Variants in DYNC2I2 observed in about 807,000 individuals in gnomAD.
DYNC2I2 encodes dynein 2 intermediate chain 2.
Under a neutral mutation model 52.0 loss-of-function variants are expected in DYNC2I2, and 39 were observed. That is an observed-to-expected ratio of 0.75 (90% confidence interval 0.58 to 0.98). The LOEUF is 0.98. Among genes scored for constraint, DYNC2I2 ranks in the 50% least tolerant of loss-of-function variants. The pLI is 0.00. For synonymous variants in DYNC2I2, 359 were observed against 321.1 expected (o/e 1.12, Z -1.26); for missense variants, 743 against 728.4 (o/e 1.02, Z -0.23).
Position 128,635,298 on chromosome 9 carries a change from G to C in DYNC2I2, c.814-39C>G, listed in dbSNP as rs748822151. 2.5e-6 allele frequency: 4 copies of C among 1,602,262 alleles called. No individual in the cohort carries two copies. In the East Asian group the frequency reaches 9.0e-5, roughly 36 times the overall value. ...ATGCAGGGCCAGGATGGAGACAAGG[G>C]ACACCTGCCCAGGTGTCACGCTCCA... On this transcript the variant is annotated intron_variant, in intron 5 of 8. Transcript: ENST00000372715.
the DYNC2I2 span, among the ~76,000 whole-genome samples, chr9:128,675,058 C>T: frequency 6.6e-6 from 1 of 152,148 alleles, no homozygotes; most frequent in Non-Finnish European, 1.5e-5. Flanking sequence ...GGTCTGTTTT[C>T]ATTACACTAA....
At chr9:128,649,384 C>T (rs562489485) in intron 1 of DYNC2I2, among the ~76,000 whole-genome samples, 1 of 151,982 alleles carries the variant, frequency 6.6e-6, no homozygotes, top group Non-Finnish European at 1.5e-5. Flanking sequence ...TTTGAGGCTG[C>T]GTGAGCTACG....
At chr9:128,636,842 G>A in intron 3 of DYNC2I2, 76 bp downstream of exon 3, 1 of 1,154,736 alleles carries the variant, frequency 8.7e-7, no homozygotes, top group African/African-American at 1.5e-5. Flanking sequence ...GCCCTTCCCT[G>A]TGCAGCTACA....
At chr9:128,671,416 C>T in the DYNC2I2 span, among the ~76,000 whole-genome samples, 51 of 151,120 alleles carry the variant, frequency 3.4e-4, no homozygotes, top group African/African-American at 1.2e-3. Flanking sequence ...ATTCTCCTGC[C>T]TCAGCCCCCC....
chr9:128,658,188 CAG>C (rs1003321558), upstream of DYNC2I2, among the ~76,000 whole-genome samples: 14 of 142,968 alleles, frequency 9.8e-5, no homozygotes, highest in African/African-American at 3.7e-4. Flanking sequence ...TTTTTTAAGA[CAG>C]AGTCTCACTC....
chr9:128,642,488 A>G (rs1352994594), intron 1 of DYNC2I2, among the ~76,000 whole-genome samples: 1 of 143,560 alleles, frequency 7.0e-6, no homozygotes, highest in Non-Finnish European at 1.5e-5. Flanking sequence ...TTACTTATTG[A>G]GGCCGGGCGC....
At chr9:128,646,002 TGA>T (rs1410760662) in intron 1 of DYNC2I2, among the ~76,000 whole-genome samples, 21 of 152,120 alleles carry the variant, frequency 1.4e-4, no homozygotes, top group Admixed American at 1.4e-3. Context: ...CCATGAAGGC[TGA>T]GAGAGGTGAG....
chr9:128,681,211 C>T, the DYNC2I2 span, among the ~76,000 whole-genome samples: 1 of 152,118 alleles, frequency 6.6e-6, no homozygotes. Context: ...CTGCCTCAGC[C>T]TCCCGAGTAG....
intron 6 of DYNC2I2, 28 bp downstream of exon 6, chr9:128,635,064 C>T: frequency 6.3e-7 from 1 of 1,599,634 alleles, no homozygotes; most frequent in Non-Finnish European, 8.5e-7. Flanking sequence ...CCGGCGCAGG[C>T]CAGGGCAGTT....
At position 128,656,738 on chromosome 9, in the gene DYNC2I2, C is replaced by G. The variant is rs764270605; in HGVS notation, c.-12G>C. The G allele has an allele frequency of 2.2e-6, 3 of 1,374,024 alleles. No individual in the cohort carries two copies. The highest frequency in any genetic ancestry group is 5.9e-5 in the East Asian group (2 of 34,010). 85.1% of individuals were successfully genotyped at this position (1,374,024 alleles called of 1,614,324 possible). On this transcript the variant is annotated 5_prime_UTR_variant, in exon 1 of 9. Coordinates refer to ENST00000372715, the MANE Select transcript of DYNC2I2 (RefSeq NM_052844.4). ...GCGCGGGTTGCCATGGAGACGGTTC[C>G]GCCCTCTCGTGCGGACGCACTCAGG... is the stretch of plus-strand genomic sequence containing the variant.
intron 2 of DYNC2I2, among the ~76,000 whole-genome samples, chr9:128,640,453 T>C (rs947469387): frequency 6.6e-6 from 1 of 152,210 alleles, no homozygotes; most frequent in Non-Finnish European, 1.5e-5. Flanking sequence ...TACTTCCATA[T>C]AGGGTGTCCA....
chr9:128,659,709 G>A (rs1860896406), upstream of DYNC2I2, among the ~76,000 whole-genome samples: 1 of 151,754 alleles, frequency 6.6e-6, no homozygotes, highest in Non-Finnish European at 1.5e-5. Flanking sequence ...AGGAGTTCGA[G>A]ACCAGCCTGA....
intron 1 of DYNC2I2, chr9:128,652,184 C>G (rs529956831): frequency 6.6e-6 from 1 of 150,462 alleles, no homozygotes; most frequent in African/African-American, 2.5e-5. Context: ...GTAATCGCAG[C>G]ACTTTGGGAG....
intron 1 of DYNC2I2, among the ~76,000 whole-genome samples, chr9:128,646,862 C>T (rs1291939894): frequency 6.6e-6 from 1 of 152,226 alleles, no homozygotes; most frequent in Non-Finnish European, 1.5e-5. Flanking sequence ...CACAGTGGCT[C>T]ACGCCTGTAA....
intron 1 of DYNC2I2, among the ~76,000 whole-genome samples, chr9:128,654,383 T>C (rs1860777074): frequency 6.6e-6 from 1 of 152,078 alleles, no homozygotes; most frequent in Non-Finnish European, 1.5e-5. Context: ...ATGCTGCTCA[T>C]TTTCAGAGGA....
rs1860828184 is a variant in DYNC2I2 at position 128,656,534 on chromosome 9, C to G, written c.186+7G>C. 1.4e-6 allele frequency: 2 copies of G among 1,384,838 alleles called. No homozygotes were observed. Among genetic ancestry groups the G allele is most frequent in the Non-Finnish European group, 1.9e-6 (2 of 1,072,122 alleles). 85.8% of individuals were successfully genotyped at this position (1,384,838 alleles called of 1,614,324 possible). ...CGCGTCGCTCCGCGCGGGGCCCGCG[C>G]CCTCACCGTCTCCCAGCGGATGCCC... On this transcript the variant is annotated splice_region_variant and intron_variant, in intron 1 of 8. Coordinates refer to ENST00000372715, the MANE Select transcript of DYNC2I2 (RefSeq NM_052844.4).
At chr9:128,635,362 T>C in intron 5 of DYNC2I2, 103 bp from the exon 6 acceptor site, 1 of 1,384,366 alleles carries the variant, frequency 7.2e-7, no homozygotes, top group Non-Finnish European at 9.6e-7. Flanking sequence ...AAAAAAATTC[T>C]CCGGGAGGCC....
rs752229718 is a variant in DYNC2I2 at position 128,643,509 on chromosome 9, AGAGT to A, written c.187-2574_187-2571del. ...GCCACTGCACTCCAGCCTGGGTGAC[AGAGT>A]GAGACTCCATCTCAAAAAAAAAAAA... On this transcript the variant is annotated intron_variant, in intron 1 of 8. Coordinates refer to ENST00000372715, the MANE Select transcript of DYNC2I2 (RefSeq NM_052844.4). 5.3e-5 allele frequency among the ~76,000 whole-genome samples: 8 copies of A among 150,960 alleles called. No homozygotes were observed. The East Asian group carries it at 7.8e-4, about 15-fold the overall frequency.
the DYNC2I2 span, among the ~76,000 whole-genome samples, chr9:128,673,039 T>C: frequency 6.6e-6 from 1 of 151,952 alleles, no homozygotes; most frequent in African/African-American, 2.4e-5. Flanking sequence ...AAAACCCTTT[T>C]TATTTTACAT....
Sources: allele counts gnomAD v4.1 joint callset (sites outside exome capture counted in the v4.1 genomes callset), GRCh38; gene constraint gnomAD v4.1.1; transcripts MANE v1.5; gene names NCBI Gene and HGNC (gene_info 2026-07-23, HGNC 2026-07-21).